TMEM132B: variants seen among roughly 807,000 people sequenced by gnomAD.
The protein encoded by TMEM132B is transmembrane protein 132B.
Under a neutral mutation model 90.8 loss-of-function variants are expected in TMEM132B, and 18 were observed. The observed-to-expected ratio is 0.20, with a 90% CI of 0.14 to 0.29. The LOEUF (loss-of-function observed/expected upper bound fraction) is 0.29, where lower values mean the gene tolerates loss of function less well. Among genes scored for constraint, TMEM132B ranks in the 10% least tolerant of loss-of-function variants. The pLI, the probability that TMEM132B is intolerant of heterozygous loss-of-function variation, is 1.00. For missense variants in TMEM132B, 1,096 were observed against 1,326.8 expected, an observed-to-expected ratio of 0.83 and a Z score of 2.70; for synonymous variants, 504 against 523.3, an observed-to-expected ratio of 0.96 and a Z score of 0.50.
At chr12:125,528,378 CTT>C in intron 4 of TMEM132B, among the ~76,000 whole-genome samples, 1 of 152,346 alleles carries the variant, frequency 6.6e-6, no homozygotes, top group South Asian at 2.1e-4. Flanking sequence ...AATGAGCACA[CTT>C]GTGAGTTTCT....
chr12:125,376,508 C>T lies in TMEM132B; in HGVS notation c.959+26165C>T, dbSNP rs574175652. ...CAGCCCCGGTGGATGCTCATTTACA[C>T]TCCTCCTGCCCAGCAGCTCCTCCAG... On this transcript the variant is annotated intron_variant, in intron 2 of 8. Coordinates refer to ENST00000682704, the MANE Select transcript of TMEM132B (RefSeq NM_001366854.1). Among the ~76,000 whole-genome samples the T allele has an allele frequency of 8.5e-5, 13 of 152,320 alleles. No individual in the cohort carries two copies. In the South Asian group the frequency reaches 2.7e-3, roughly 32 times the overall value.
rs761700038 is a variant in TMEM132B at position 125,519,504 on chromosome 12, C to T, written c.1172C>T (p.Ala391Val). 1 of 1,614,084 alleles carries T rather than the reference C, an allele frequency of 6.2e-7. No homozygotes were observed. The highest frequency in any genetic ancestry group is 8.5e-7 in the Non-Finnish European group (1 of 1,179,990). The part of the protein sequence containing the change: ...DFGIDNSSDL[A>V]GAQQITWQVE... ...GGAATTGATAATAGCAGTGACCTGGCTGGGGCCCAGCAGATTACCTGGCAG... is the reference window on the plus strand; with the variant it reads ...GGAATTGATAATAGCAGTGACCTGGTTGGGGCCCAGCAGATTACCTGGCAG... Residue 391 changes from alanine to valine, a missense_variant, in exon 4 of 9, where the codon GCT becomes GTT. Coordinates refer to ENST00000682704, the MANE Select transcript of TMEM132B (RefSeq NM_001366854.1).
At chr12:125,208,100 T>C (rs890286086) in intron 1 of TMEM132B, among the ~76,000 whole-genome samples, 2 of 152,130 alleles carry the variant, frequency 1.3e-5, no homozygotes, top group African/African-American at 4.8e-5. Flanking sequence ...CATTGAACAG[T>C]TGGGGAAACT....
chr12:125,525,815 C>T (rs1883438332), intron 4 of TMEM132B, among the ~76,000 whole-genome samples: 1 of 152,116 alleles, frequency 6.6e-6, no homozygotes, highest in South Asian at 2.1e-4. Context: ...ATCCTTTGGT[C>T]CACTGGGTAA....
intron 4 of TMEM132B, among the ~76,000 whole-genome samples, chr12:125,579,929 T>C (rs2136857976): frequency 6.6e-6 from 1 of 152,276 alleles, no homozygotes; most frequent in African/African-American, 2.4e-5. Context: ...CTCCCCAAGT[T>C]TGTTTTTGTT....
At chr12:125,382,250 A>G (rs117892144) in intron 2 of TMEM132B, among the ~76,000 whole-genome samples, 124 of 152,296 alleles carry the variant, frequency 8.1e-4, no homozygotes, top group Non-Finnish European at 1.5e-3. Flanking sequence ...CAAAAGTAGG[A>G]TATGGTTCTT....
intron 1 of TMEM132B, among the ~76,000 whole-genome samples, chr12:125,347,874 T>A (rs1877412575): frequency 6.6e-6 from 1 of 152,258 alleles, no homozygotes; most frequent in Non-Finnish European, 1.5e-5. Flanking sequence ...CATACATGTA[T>A]GTACTCATGT....
intron 2 of TMEM132B, among the ~76,000 whole-genome samples, chr12:125,379,952 G>T (rs551280489): frequency 6.9e-4 from 105 of 151,794 alleles, no homozygotes; most frequent in African/African-American, 2.5e-3. Context: ...CTTCTATTTT[G>T]CTCCTGTCTC....
intron 1 of TMEM132B, among the ~76,000 whole-genome samples, chr12:125,281,732 TAAG>T (rs1875183115): frequency 6.6e-6 from 1 of 152,180 alleles, no homozygotes; most frequent in South Asian, 2.1e-4. Flanking sequence ...GGACCTGTGT[TAAG>T]AAGACTTTTG....
intron 1 of TMEM132B, among the ~76,000 whole-genome samples, chr12:125,269,373 G>A (rs1362447345): frequency 6.6e-6 from 1 of 152,184 alleles, no homozygotes; most frequent in Non-Finnish European, 1.5e-5. Context: ...TTTGTGGAGC[G>A]AGGCAGGCAG....
intron 4 of TMEM132B, among the ~76,000 whole-genome samples, chr12:125,559,095 T>C (rs1884460071): frequency 6.6e-6 from 1 of 152,182 alleles, no homozygotes; most frequent in South Asian, 2.1e-4. Flanking sequence ...ACTCAGTTAG[T>C]GGAAGGCCCA....
chr12:125,400,028 G>A (rs188238358), intron 2 of TMEM132B, among the ~76,000 whole-genome samples: 11 of 152,244 alleles, frequency 7.2e-5, no homozygotes, highest in Admixed American at 5.2e-4. Context: ...TTGTAGCTGC[G>A]ATGATTGTTC....
chr12:125,622,754 G>A, intron 5 of TMEM132B: 1 of 731,374 alleles, frequency 1.4e-6, no homozygotes, highest in South Asian at 6.2e-5. Flanking sequence ...GTGGTGGGGA[G>A]GACATCATTT....
At chr12:125,465,318 G>A (rs1881535483) in intron 3 of TMEM132B, among the ~76,000 whole-genome samples, 1 of 152,224 alleles carries the variant, frequency 6.6e-6, no homozygotes, top group African/African-American at 2.4e-5. Flanking sequence ...ATGATGAAAA[G>A]TGCTGACACT....
rs1879524495 is a variant in TMEM132B at position 125,407,299 on chromosome 12, A to C, written c.960-8232A>C. Among the ~76,000 whole-genome samples, 1 of 152,234 alleles carries C rather than the reference A, an allele frequency of 6.6e-6. No individual in the cohort carries two copies. The highest frequency in any genetic ancestry group is 1.5e-5 in the Non-Finnish European group (1 of 68,034). On this transcript the variant is annotated intron_variant, in intron 2 of 8. Coordinates refer to ENST00000682704, the MANE Select transcript of TMEM132B (RefSeq NM_001366854.1). This position sits in a 1 kb window ranked among gnomAD's most constrained non-coding sequence, Gnocchi z 6.7. ...GCCAGACCTCTCTTCGGGCAAAGTT[A>C]ATCCTTTACTGCCCACCCACTATGT...
chr12:125,459,375 G>T lies in TMEM132B; in HGVS notation c.1106+43698G>T, dbSNP rs57883275. On this transcript the variant is annotated intron_variant, in intron 3 of 8. Coordinates refer to ENST00000682704, the MANE Select transcript of TMEM132B (RefSeq NM_001366854.1). The surrounding 1 kb of genome is among the most constrained non-coding windows in gnomAD (Gnocchi z 4.1). ...CGAGGGCACGTTTTCTAAAACTACC[G>T]AGAGAACTGGAGATCATCATGCTAA... Among the ~76,000 whole-genome samples the T allele has an allele frequency of 6.6e-6, 1 of 152,162 alleles. No individual in the cohort carries two copies. Among genetic ancestry groups the T allele is most frequent in the Non-Finnish European group, 1.5e-5 (1 of 68,036 alleles).
chr12:125,587,404 G>A (rs964650806), intron 5 of TMEM132B: 1 of 152,126 alleles, frequency 6.6e-6, no homozygotes, highest in African/African-American at 2.4e-5. Flanking sequence ...AAGTGTGTGG[G>A]GGGTGCGGGG....
chr12:125,509,768 T>G (rs1882934200), intron 3 of TMEM132B, among the ~76,000 whole-genome samples: 1 of 152,174 alleles, frequency 6.6e-6, no homozygotes, highest in Non-Finnish European at 1.5e-5. Context: ...AGTTCCAATC[T>G]GAGGTGAAGC....
At chr12:125,538,841 G>A (rs889543737) in intron 4 of TMEM132B, among the ~76,000 whole-genome samples, 2 of 152,064 alleles carry the variant, frequency 1.3e-5, no homozygotes, top group Admixed American at 1.3e-4. Context: ...CCTGCTGCTC[G>A]GAATAAAAAT....
Sources: gnomAD v4.1 joint callset for allele counts (sites outside exome capture counted in the v4.1 genomes callset) on GRCh38, gnomAD v4.1.1 for gene constraint, Gnocchi (gnomAD v3.1) non-coding constraint, MANE v1.5 for transcripts, NCBI Gene and HGNC (gene_info 2026-07-23, HGNC 2026-07-21) for gene names.